RHD: variants seen among roughly 807,000 people sequenced by gnomAD.
RHD encodes Rh blood group D antigen, also known as blood group Rh(D) polypeptide.
In RHD, 16 loss-of-function variants were observed where a neutral mutation model predicts 45.5. That is an observed-to-expected ratio of 0.35 (90% CI 0.24 to 0.53). RHD has a LOEUF of 0.53. Ranked by LOEUF, RHD falls within the 20% of genes least tolerant of loss-of-function variation. RHD has a pLI of 0.92. For missense variants in RHD, 306 were observed against 532.0 expected, an observed-to-expected ratio of 0.58 and a Z score of 4.18; for synonymous variants, 131 against 217.5, an observed-to-expected ratio of 0.60 and a Z score of 3.50.
chr1:25,313,298 C>A (rs1384999990), intron 7 of RHD, among the ~76,000 whole-genome samples: 1 of 131,982 alleles, frequency 7.6e-6, no homozygotes, highest in African/African-American at 2.6e-5. Flanking sequence ...TCTTGGACTT[C>A]CCAGCCTCCA....
Position 25,309,985 on chromosome 1 carries a change from A to C in RHD, c.1073+3256A>C, listed in dbSNP as rs565512603. On this transcript the variant is annotated intron_variant, in intron 7 of 9. Coordinates refer to ENST00000328664, the MANE Select transcript of RHD (RefSeq NM_016124.6). ...ATTCTGCCACTTATTACTTAAAAAA[A>C]CCCCAAAAAACCCAACTTATATAGT... Among the ~76,000 whole-genome samples, 4 of 132,424 alleles carry C rather than the reference A, an allele frequency of 3.0e-5. No individual in the cohort carries two copies. The South Asian group carries it at 9.3e-4, about 31-fold the overall frequency. The allele number at this position is 132,424 out of a possible 152,430, so 86.9% of individuals were successfully genotyped here.
Position 25,318,722 on chromosome 1 carries a change from G to A in RHD, c.1153+1643G>A, listed in dbSNP as rs566857171. Among the ~76,000 whole-genome samples the A allele has an allele frequency of 2.3e-5, 3 of 133,046 alleles. 1 individual carries two copies. Among genetic ancestry groups the A allele is most frequent in the Non-Finnish European group, 3.6e-5 (2 of 55,934 alleles). The allele number at this position is 133,046 out of a possible 152,430, so 87.3% of individuals were successfully genotyped here. On this transcript the variant is annotated intron_variant, in intron 8 of 9. Transcript: ENST00000328664. ...GAATGCCAAATAAGAGACAAATGGC[G>A]TAAGACACTATGAGTTGTGTGACGT...
intron 2 of RHD, among the ~76,000 whole-genome samples, chr1:25,288,223 G>A (rs549858242): frequency 0.021 from 2,777 of 131,652 alleles, 429 homozygotes; most frequent in African/African-American, 0.066. Flanking sequence ...TCACTGTGTT[G>A]CTCAGGCTGG....
chr1:25,280,732 C>G (rs1411275710), intron 1 of RHD, among the ~76,000 whole-genome samples: 1 of 130,206 alleles, frequency 7.7e-6, no homozygotes, highest in African/African-American at 2.6e-5. Context: ...CTACCTCACC[C>G]TCCTGAGTAG....
At position 25,320,108 on chromosome 1, in the gene RHD, T is replaced by C. The variant is rs1341841687; in HGVS notation, c.1154-1781T>C. Among the ~76,000 whole-genome samples, 3 of 131,084 alleles carry C rather than the reference T, an allele frequency of 2.3e-5. 1 individual carries two copies. The highest frequency in any genetic ancestry group is 5.4e-5 in the Non-Finnish European group (3 of 55,358). 86.0% of individuals were successfully genotyped at this position (131,084 alleles called of 152,430 possible). On this transcript the variant is annotated intron_variant, in intron 8 of 9. Transcript: ENST00000328664. ...AGACAGGGTTTCTCCATGTTGGTCA[T>C]GCTGGTCTCGAACTCCTGACCTCAG...
chr1:25,282,592 T>A (rs1384498289), intron 1 of RHD, among the ~76,000 whole-genome samples: 1 of 132,602 alleles, frequency 7.5e-6, no homozygotes, highest in Non-Finnish European at 1.8e-5. Flanking sequence ...CAGAGCCATG[T>A]GAACTCAAAA....
intron 2 of RHD, among the ~76,000 whole-genome samples, 171 bp downstream of exon 2, chr1:25,284,930 C>T (rs1641834664): frequency 7.4e-6 from 1 of 135,120 alleles, no homozygotes; most frequent in South Asian, 2.2e-4. Flanking sequence ...TTCAAATTAA[C>T]TGGGCATCCT....
chr1:25,305,661 C>T lies in RHD; in HGVS notation c.940-935C>T, dbSNP rs1341552098. Among the ~76,000 whole-genome samples, 12 of 127,668 alleles carry T rather than the reference C, an allele frequency of 9.4e-5. 2 individuals carry two copies. The highest frequency in any genetic ancestry group is 2.7e-4 in the African/African-American group (10 of 36,766). 83.8% of individuals were successfully genotyped at this position (127,668 alleles called of 152,430 possible). A position where few individuals can be genotyped will look rare whatever the true frequency, so the allele number is the denominator to read the frequency against. The stretch of plus-strand genomic sequence containing the variant: ...TTTTGCCCAGGCTGGAGTGCAGTGG[C>T]GCCATCTCAGCTTACTGCAAGCTCC... On this transcript the variant is annotated intron_variant, in intron 6 of 9. Coordinates refer to ENST00000328664, the MANE Select transcript of RHD (RefSeq NM_016124.6).
At position 25,290,180 on chromosome 1, in the gene RHD, G is replaced by A. The variant is rs1462097387; in HGVS notation, c.336-461G>A. Among the ~76,000 whole-genome samples the A allele has an allele frequency of 1.5e-5, 2 of 130,400 alleles. 1 individual carries two copies. The highest frequency in any genetic ancestry group is 3.6e-5 in the Non-Finnish European group (2 of 55,490). The allele number at this position is 130,400 out of a possible 152,430, so 85.5% of individuals were successfully genotyped here. On this transcript the variant is annotated intron_variant, in intron 2 of 9. Transcript: ENST00000328664. ...CCACTGCCACGGAGACGGAGAGAAG[G>A]GACAGTGGCCCCAGATGGGGATGGG...
At chr1:25,300,825 C>G in intron 3 of RHD, 121 bp from the exon 4 acceptor site, 2 of 1,113,668 alleles carry the variant, frequency 1.8e-6, no homozygotes, top group East Asian at 4.6e-5. Flanking sequence ...CTCTGAACAC[C>G]AGTCTCATGG....
chr1:25,321,211 G>A (rs1189763627), intron 8 of RHD, among the ~76,000 whole-genome samples: 1 of 129,124 alleles, frequency 7.7e-6, no homozygotes, highest in East Asian at 2.0e-4. Context: ...GCACCCAATT[G>A]GAGTCACCCT....
intron 7 of RHD, among the ~76,000 whole-genome samples, chr1:25,308,599 T>G (rs1026897480): frequency 7.6e-6 from 1 of 131,996 alleles, no homozygotes; most frequent in African/African-American, 2.6e-5. Flanking sequence ...GTTCAAGCTG[T>G]CAAGGAGACA....
chr1:25,293,366 TACA>T (rs1392979701), intron 3 of RHD, among the ~76,000 whole-genome samples: 1 of 129,352 alleles, frequency 7.7e-6, no homozygotes, highest in East Asian at 2.0e-4. Flanking sequence ...TTTTTTTTTA[TACA>T]ACATTTTATT....
chr1:25,316,704 T>C lies in RHD; in HGVS notation c.1074-296T>C, dbSNP rs577539432. ...TGCCCAGGGTCTTGCAGCTAGTAAG[T>C]GACAGAGCTGGGACTTGAGCTTGGG... is the stretch of plus-strand genomic sequence containing the variant. On this transcript the variant is annotated intron_variant, in intron 7 of 9. Transcript: ENST00000328664. 2.7e-4 allele frequency among the ~76,000 whole-genome samples: 33 copies of C among 122,450 alleles called. 4 individuals are homozygous for C. The highest frequency in any genetic ancestry group is 6.8e-4 in the African/African-American group (25 of 36,802). 80.3% of individuals were successfully genotyped at this position (122,450 alleles called of 152,430 possible).
At chr1:25,310,647 G>A (rs1644091391) in intron 7 of RHD, among the ~76,000 whole-genome samples, 1 of 131,750 alleles carries the variant, frequency 7.6e-6, no homozygotes, top group Admixed American at 7.5e-5. Flanking sequence ...GAGTTTTGAG[G>A]AGCAGGCTAG....
chr1:25,296,931 A>G lies in RHD; in HGVS notation c.487-4015A>G, dbSNP rs1238318737. Reference sequence around the variant, plus strand: ...AGCAGTGTGAAAACAGACTAACACAATTTCCTAAAACAAGGGGACATTCTC... The same window carrying G: ...AGCAGTGTGAAAACAGACTAACACAGTTTCCTAAAACAAGGGGACATTCTC... On this transcript the variant is annotated intron_variant, in intron 3 of 9. Coordinates refer to ENST00000328664, the MANE Select transcript of RHD (RefSeq NM_016124.6). Among the ~76,000 whole-genome samples the G allele has an allele frequency of 1.5e-5, 2 of 130,756 alleles. 1 individual carries two copies. Among genetic ancestry groups the G allele is most frequent in the African/African-American group, 5.3e-5 (2 of 37,814 alleles). 85.8% of individuals were successfully genotyped at this position (130,756 alleles called of 152,430 possible). A position where few individuals can be genotyped will look rare whatever the true frequency, so the allele number is the denominator to read the frequency against.
chr1:25,301,372 G>A, intron 4 of RHD, 148 bp from the exon 5 acceptor site: 2 of 815,116 alleles, frequency 2.5e-6, no homozygotes, highest in South Asian at 1.5e-5. Flanking sequence ...CAGCTTGAGA[G>A]CTCGGAGGGG....
rs1284730354 is a variant in RHD, at chr1:25,275,069, C to G, written c.148+2374C>G. On this transcript the variant is annotated intron_variant, in intron 1 of 9. Coordinates refer to ENST00000328664, the MANE Select transcript of RHD (RefSeq NM_016124.6). ...CTTTGGGAGACCAAGGCAGGCAGATCACCTGAGGTCAGGAGTTCGAGACCA... is the reference window on the plus strand; with the variant it reads ...CTTTGGGAGACCAAGGCAGGCAGATGACCTGAGGTCAGGAGTTCGAGACCA... Among the ~76,000 whole-genome samples, 2 of 132,348 alleles carry G rather than the reference C, an allele frequency of 1.5e-5. 1 individual carries two copies. Among genetic ancestry groups the G allele is most frequent in the African/African-American group, 5.2e-5 (2 of 38,798 alleles). The allele number at this position is 132,348 out of a possible 152,430, so 86.8% of individuals were successfully genotyped here.
chr1:25,298,620 A>C lies in RHD; in HGVS notation c.487-2326A>C, dbSNP rs566774248. Reference sequence around the variant, plus strand: ...ACAAGCCCGCTTTTCAGTTCTTATCAGGAAACTGCATAGACTTTCCTCTTT... The same window carrying C: ...ACAAGCCCGCTTTTCAGTTCTTATCCGGAAACTGCATAGACTTTCCTCTTT... On this transcript the variant is annotated intron_variant, in intron 3 of 9. Transcript: ENST00000328664. Among the ~76,000 whole-genome samples the C allele has an allele frequency of 8.3e-5, 11 of 132,024 alleles. 1 individual carries two copies. In the South Asian group the frequency reaches 2.5e-3, roughly 30 times the overall value. 86.6% of individuals were successfully genotyped at this position (132,024 alleles called of 152,430 possible).
Sources: allele counts gnomAD v4.1 joint callset (sites outside exome capture counted in the v4.1 genomes callset), GRCh38; gene constraint gnomAD v4.1.1; transcripts MANE v1.5; gene names NCBI Gene and HGNC (gene_info 2026-07-23, HGNC 2026-07-21).